Variants in PGM2L1 observed in about 807,000 individuals in gnomAD.
PGM2L1 encodes the protein phosphoglucomutase 2 like 1, also known as glucose 1,6-bisphosphate synthase.
Under a neutral mutation model 73.4 loss-of-function variants are expected in PGM2L1, and 35 were observed. The observed-to-expected ratio is 0.48, with a 90% confidence interval of 0.36 to 0.63. The LOEUF (loss-of-function observed/expected upper bound fraction) is 0.63. Among genes scored for constraint, PGM2L1 ranks in the 30% least tolerant of loss-of-function variants. The pLI is 0.00. For missense variants in PGM2L1, 570 were observed against 742.0 expected, an observed-to-expected ratio of 0.77 and a Z score of 2.69; for synonymous variants, 225 against 253.8, an observed-to-expected ratio of 0.89 and a Z score of 1.08.
intron 1 of PGM2L1, among the ~76,000 whole-genome samples, chr11:74,383,824 A>AATAAATAAATATATATATATATAT (rs61026077): frequency 2.5e-5 from 3 of 121,830 alleles, no homozygotes; most frequent in African/African-American, 7.0e-5. Flanking sequence ...TATATAAATA[A>AATAAATAAATATATATATATATAT]ATATATATAT....
At chr11:74,381,546 G>GT (rs1402469877) in intron 1 of PGM2L1, among the ~76,000 whole-genome samples, 3 of 147,276 alleles carry the variant, frequency 2.0e-5, no homozygotes, top group East Asian at 2.0e-4. Flanking sequence ...TATTTGTAGG[G>GT]TTTTTTGTTT....
In PGM2L1 at chr11:74,331,312, G is replaced by A. The variant is rs1261910245; in HGVS notation, c.*5340C>T. The A allele has an allele frequency of 6.6e-6, 1 of 150,782 alleles. No individual in the cohort carries two copies. The highest frequency in any genetic ancestry group is 1.5e-5 in the Non-Finnish European group (1 of 68,006). 9.3% of individuals were successfully genotyped at this position (150,782 alleles called of 1,614,324 possible). The stretch of plus-strand genomic sequence containing the variant: ...AGTTTCACTCTTGTTGCCCAGGCTG[G>A]AGTGCAACGGCGCGATCTTGGCTCA... On this transcript the variant is annotated 3_prime_UTR_variant, in exon 14 of 14. Transcript: ENST00000298198.
At chr11:74,364,245 C>T (rs1458233987) in intron 5 of PGM2L1, among the ~76,000 whole-genome samples, 1 of 152,132 alleles carries the variant, frequency 6.6e-6, no homozygotes, top group African/African-American at 2.4e-5. Flanking sequence ...ATGACAAACC[C>T]ACAGCCAATA....
intron 12 of PGM2L1, among the ~76,000 whole-genome samples, chr11:74,342,116 A>G (rs1454567955): frequency 6.6e-6 from 1 of 152,194 alleles, no homozygotes; most frequent in Non-Finnish European, 1.5e-5. Context: ...TGTTTTGATC[A>G]GTGAGGTCAT....
At chr11:74,366,047 C>T (rs1329347775) in intron 5 of PGM2L1, among the ~76,000 whole-genome samples, 9 of 152,056 alleles carry the variant, frequency 5.9e-5, no homozygotes, top group African/African-American at 1.4e-4. Flanking sequence ...AAAGGATGAG[C>T]TCATGTCCTT....
Position 74,354,343 on chromosome 11 carries a change from T to C in PGM2L1, c.556-2767A>G, listed in dbSNP as rs560251458. 1.1e-5 allele frequency: 6 copies of C among 528,712 alleles called. No homozygotes were observed. In the South Asian group the frequency reaches 2.0e-4, roughly 18 times the overall value. The allele number at this position is 528,712 out of a possible 1,614,324, so 32.8% of individuals were successfully genotyped here. ...CCAGGAATAAATGTTAAAAAATGTG[T>C]GAAAAATCTAGTTTAAAAAAACGTT... On this transcript the variant is annotated intron_variant, in intron 5 of 13. Transcript: ENST00000298198.
chr11:74,341,405 G>A (rs1565434215), intron 12 of PGM2L1, among the ~76,000 whole-genome samples: 1 of 152,098 alleles, frequency 6.6e-6, no homozygotes, highest in Non-Finnish European at 1.5e-5. Flanking sequence ...TAAAAGGAAA[G>A]CAACTGCTGG....
chr11:74,354,578 T>C, intron 5 of PGM2L1: 1 of 1,122,630 alleles, frequency 8.9e-7, no homozygotes, highest in Non-Finnish European at 1.3e-6. Context: ...TGTGTGGTAA[T>C]GAAAGACCCA....
intron 1 of PGM2L1, among the ~76,000 whole-genome samples, chr11:74,385,797 A>T (rs79443060): frequency 0.029 from 4,485 of 152,188 alleles, 219 homozygotes; most frequent in African/African-American, 0.1. Context: ...TTTCTTTTTC[A>T]ATAAAGCCCA....
At chr11:74,374,639 AG>A in intron 1 of PGM2L1, 57 bp from the exon 2 acceptor site, 2 of 1,483,834 alleles carry the variant, frequency 1.3e-6, no homozygotes, top group Non-Finnish European at 1.9e-6. Flanking sequence ...CCTAATATTA[AG>A]CCCTTCTGAG....
At chr11:74,394,049 A>C (rs1863140391) in intron 1 of PGM2L1, among the ~76,000 whole-genome samples, 1 of 151,784 alleles carries the variant, frequency 6.6e-6, no homozygotes, top group Admixed American at 6.6e-5. Context: ...CTGGTAGTAG[A>C]GTCATCTGTT....
chr11:74,347,212 T>G lies in PGM2L1; in HGVS notation c.875A>C (p.Lys292Thr). 1 of 1,612,276 alleles carries G rather than the reference T, an allele frequency of 6.2e-7. No individual in the cohort carries two copies. Among genetic ancestry groups the G allele is most frequent in the Non-Finnish European group, 8.5e-7 (1 of 1,179,098 alleles). Residue 292 changes from lysine (K) to threonine (T), a missense_variant, in exon 7 of 14, where the codon AAA (lysine) becomes ACA (threonine). Transcript: ENST00000298198. ...GGTAGAAAAGTCTGGATCAGGATCT[T>G]TTTGTTCTGGTACTGGAATTGGAGG... ...FKPPIPVPEQ[K>T]DPDPDFSTVK... is the part of the protein sequence containing the mutation.
At chr11:74,383,549 T>C (rs1364775801) in intron 1 of PGM2L1, among the ~76,000 whole-genome samples, 1 of 151,992 alleles carries the variant, frequency 6.6e-6, no homozygotes. Context: ...ACCCATCACC[T>C]AGGTATTAAG....
At chr11:74,343,449 G>T in intron 9 of PGM2L1, 33 bp from the exon 10 acceptor site, 1 of 1,597,066 alleles carries the variant, frequency 6.3e-7, no homozygotes, top group South Asian at 1.1e-5. Flanking sequence ...CTAGTTAAGT[G>T]ACTGTCTCAC....
intron 5 of PGM2L1, chr11:74,355,382 G>A (rs111525587): frequency 0.17 from 103,916 of 600,566 alleles, 9,988 homozygotes; most frequent in East Asian, 0.28. Flanking sequence ...GACAAACCCC[G>A]TCTCTACTAA....
intron 1 of PGM2L1, among the ~76,000 whole-genome samples, chr11:74,392,564 G>A (rs1254452610): frequency 6.7e-6 from 1 of 149,854 alleles, no homozygotes; most frequent in African/African-American, 2.5e-5. Context: ...TTTTTGAGAC[G>A]GAGTCTGGCT....
chr11:74,343,569 A>G (rs914826319), intron 9 of PGM2L1, among the ~76,000 whole-genome samples, 153 bp from the exon 10 acceptor site: 1 of 152,158 alleles, frequency 6.6e-6, no homozygotes, highest in Non-Finnish European at 1.5e-5. Flanking sequence ...ACATATAGTA[A>G]TGAAGGGCCA....
At chr11:74,341,769 G>A (rs1004088202) in intron 12 of PGM2L1, among the ~76,000 whole-genome samples, 20 of 151,704 alleles carry the variant, frequency 1.3e-4, no homozygotes, top group Admixed American at 5.3e-4. Context: ...TGCTTCATAG[G>A]CAGAGTAGTA....
intron 1 of PGM2L1, among the ~76,000 whole-genome samples, chr11:74,377,965 G>A (rs566490199): frequency 2.7e-4 from 41 of 151,962 alleles, no homozygotes; most frequent in Non-Finnish European, 4.7e-4. Flanking sequence ...AAAAAGAGGA[G>A]GAAGACAGTA....
Sources: gnomAD v4.1 joint callset for allele counts (sites outside exome capture counted in the v4.1 genomes callset) on GRCh38, gnomAD v4.1.1 for gene constraint, MANE v1.5 for transcripts, NCBI Gene and HGNC (gene_info 2026-07-23, HGNC 2026-07-21) for gene names.